Variants in VAV1 observed in about 807,000 individuals in gnomAD.
The protein encoded by VAV1 is vav guanine nucleotide exchange factor 1, also known as proto-oncogene vav.
In VAV1, 33 loss-of-function variants were observed where a neutral mutation model predicts 128.1. The ratio of observed to expected loss-of-function variants is 0.26; its 90% CI spans 0.20 to 0.34. The LOEUF (loss-of-function observed/expected upper bound fraction) is 0.34, where lower values mean the gene tolerates loss of function less well. Ranked by LOEUF, VAV1 falls within the 10% of genes least tolerant of loss-of-function variation. The pLI is 1.00. For synonymous variants in VAV1, 394 were observed against 409.8 expected, an observed-to-expected ratio of 0.96 and a Z score of 0.47; for missense variants, 715 against 1,093.7, an observed-to-expected ratio of 0.65 and a Z score of 4.88.
intron 1 of VAV1, among the ~76,000 whole-genome samples, chr19:6,817,645 C>T (rs141707090): frequency 2.2e-4 from 33 of 151,998 alleles, no homozygotes; most frequent in East Asian, 3.9e-4. Context: ...TAGAAAACGC[C>T]GGAGTAGGGG....
intron 14 of VAV1, 80 bp downstream of exon 14, chr19:6,829,998 T>G: frequency 1.3e-6 from 2 of 1,597,184 alleles, no homozygotes; most frequent in Non-Finnish European, 1.7e-6. Context: ...TGTGCCTGTT[T>G]GCCAGACTAC....
intron 14 of VAV1, 149 bp downstream of exon 14, chr19:6,830,067 TTC>T: frequency 7.4e-7 from 1 of 1,351,414 alleles, no homozygotes; most frequent in Non-Finnish European, 1.0e-6. Flanking sequence ...GTTTGTTTTG[TTC>T]TGTTTTTTAA....
At chr19:6,800,248 G>T (rs952525940) in intron 1 of VAV1, among the ~76,000 whole-genome samples, 5 of 151,962 alleles carry the variant, frequency 3.3e-5, no homozygotes, top group Non-Finnish European at 4.4e-5. Flanking sequence ...TTCCAAAGTG[G>T]ATCTGCCATG....
At chr19:6,845,689 C>T (rs1456699501) in intron 22 of VAV1, among the ~76,000 whole-genome samples, 1 of 149,038 alleles carries the variant, frequency 6.7e-6, no homozygotes, top group Non-Finnish European at 1.5e-5. Flanking sequence ...TTATGTTGCA[C>T]ATTTATGTTT....
chr19:6,808,263 G>T (rs1042269821), intron 1 of VAV1, among the ~76,000 whole-genome samples: 2 of 151,844 alleles, frequency 1.3e-5, no homozygotes, highest in African/African-American at 2.4e-5. Context: ...AGTGAGCCAA[G>T]ATCACACCAT....
chr19:6,822,352 C>T lies in VAV1; in HGVS notation c.558+23C>T. ...CCGGTGCGTGACGTGGAGGGTCGGG[C>T]CTGGGGAGGGCGTGGGCGGGGGGCA... is the stretch of plus-strand genomic sequence containing the variant. On this transcript the variant is annotated intron_variant, in intron 5 of 26. Coordinates refer to ENST00000602142, the MANE Select transcript of VAV1 (RefSeq NM_005428.4). The surrounding 1 kb of genome is among the most constrained non-coding windows in gnomAD (Gnocchi z 5.9). The T allele has an allele frequency of 1.3e-6, 2 of 1,555,052 alleles. No individual in the cohort carries two copies. Among genetic ancestry groups the T allele is most frequent in the Non-Finnish European group, 1.7e-6 (2 of 1,148,778 alleles).
chr19:6,779,493 C>A (rs1489358349), intron 1 of VAV1, among the ~76,000 whole-genome samples: 1 of 151,120 alleles, frequency 6.6e-6, no homozygotes, highest in Non-Finnish European at 1.5e-5. Flanking sequence ...TTCTTTATAA[C>A]ATGACTGCGT....
At chr19:6,782,369 A>G (rs936260541) in intron 1 of VAV1, among the ~76,000 whole-genome samples, 2 of 152,120 alleles carry the variant, frequency 1.3e-5, no homozygotes, top group Non-Finnish European at 2.9e-5. Flanking sequence ...TAAAAATAAA[A>G]TAAAATAAAA....
chr19:6,829,159 A>T (rs1487602917), intron 13 of VAV1, among the ~76,000 whole-genome samples: 1 of 150,220 alleles, frequency 6.7e-6, no homozygotes. Flanking sequence ...GGATGGTGCC[A>T]GGCTCCTAGA....
chr19:6,778,186 C>G (rs999203824), intron 1 of VAV1, among the ~76,000 whole-genome samples: 2 of 152,146 alleles, frequency 1.3e-5, no homozygotes, highest in African/African-American at 2.4e-5. Flanking sequence ...ACCCACATGC[C>G]TCGGCCTCCC....
intron 22 of VAV1, among the ~76,000 whole-genome samples, chr19:6,847,051 T>C (rs1972541322): frequency 6.6e-6 from 1 of 151,774 alleles, no homozygotes; most frequent in Non-Finnish European, 1.5e-5. Flanking sequence ...ATAGCTGGGA[T>C]TACAGGCGCC....
rs996795497 is a variant in VAV1, at chr19:6,807,477, A to G, written c.205-13225A>G. On this transcript the variant is annotated intron_variant, in intron 1 of 26. Transcript: ENST00000602142. ...TGGGGCTCAGGTGGTAATGCGAGCAATGGGGAGTGGTTGTAAATACAGATG... is the reference window on the plus strand; with the variant it reads ...TGGGGCTCAGGTGGTAATGCGAGCAGTGGGGAGTGGTTGTAAATACAGATG... Among the ~76,000 whole-genome samples the G allele has an allele frequency of 1.1e-4, 16 of 152,026 alleles. 1 individual carries two copies. The East Asian group carries it at 3.1e-3, about 29-fold the overall frequency.
At chr19:6,833,809 G>A (rs1972152407) in intron 18 of VAV1, 76 bp downstream of exon 18, 2 of 1,613,432 alleles carry the variant, frequency 1.2e-6, no homozygotes, top group Non-Finnish European at 1.7e-6. Flanking sequence ...GGACATCCTG[G>A]AACTGGGCAG....
At chr19:6,821,574 C>T (rs569979381) in intron 2 of VAV1, 48 bp from the exon 3 acceptor site, 53 of 1,608,454 alleles carry the variant, frequency 3.3e-5, no homozygotes, top group Middle Eastern at 3.3e-4. Flanking sequence ...TGTGTTCTGC[C>T]GTGGGGGTGT....
At chr19:6,780,045 A>G (rs1970732660) in intron 1 of VAV1, among the ~76,000 whole-genome samples, 1 of 148,094 alleles carries the variant, frequency 6.8e-6, no homozygotes, top group Non-Finnish European at 1.5e-5. Flanking sequence ...TGGGAGGCGG[A>G]GCTTGCAGTG....
chr19:6,853,950 G>T lies in VAV1; in HGVS notation c.2336G>T (p.Gly779Val). The stretch of plus-strand genomic sequence containing the variant: ...CACTTCTGTTCTCTCTCCACAGTGG[G>T]AAGCACAAAGTATTTTGGCACAGCC... ...EKRTISRPAV[G>V]STKYFGTAKA... Residue 779 changes from glycine to valine, a missense_variant, in exon 26 of 27, where the codon GGA (glycine) becomes GTA (valine). By Grantham distance (109) the Gly-to-Val change is moderately radical. This residue lies in a region of VAV1 where 407 missense variants were observed against 580.6 expected (regional missense o/e 0.70). Coordinates refer to ENST00000602142, the MANE Select transcript of VAV1 (RefSeq NM_005428.4). 6.2e-7 allele frequency: 1 copy of T among 1,610,442 alleles called. No homozygotes were observed.
rs543543002 is a variant in VAV1 at position 6,775,080 on chromosome 19, G to A, written c.204+2069G>A. 5.3e-5 allele frequency among the ~76,000 whole-genome samples: 8 copies of A among 152,132 alleles called. No individual in the cohort carries two copies. The South Asian group carries it at 1.7e-3, about 32-fold the overall frequency. On this transcript the variant is annotated intron_variant, in intron 1 of 26. Transcript: ENST00000602142. ...CATGCCCGGCCCTTCTGTTTCTTTA[G>A]TGCCAGGGGATTACACTGTCCTCAG...
intron 22 of VAV1, among the ~76,000 whole-genome samples, chr19:6,845,797 T>C (rs948138449): frequency 4.2e-4 from 62 of 148,012 alleles, no homozygotes; most frequent in African/African-American, 1.3e-3. Context: ...ATGTATAATA[T>C]ATAACTAATA....
chr19:6,837,148 G>T, intron 21 of VAV1, 98 bp downstream of exon 21: 1 of 1,296,518 alleles, frequency 7.7e-7, no homozygotes. Context: ...AGTTGGGGAG[G>T]GGGCTGCCCA....
Sources: gnomAD v4.1 joint callset for allele counts (sites outside exome capture counted in the v4.1 genomes callset) on GRCh38, gnomAD v4.1.1 for gene constraint, gnomAD v4.1.1 regional missense constraint, Gnocchi (gnomAD v3.1) non-coding constraint, MANE v1.5 for transcripts, NCBI Gene and HGNC (gene_info 2026-07-23, HGNC 2026-07-21) for gene names.